The following PDE1C variants were observed in gnomAD, a reference collection of about 807,000 sequenced individuals.
The protein encoded by PDE1C is phosphodiesterase 1C.
A neutral mutation model predicts 93.1 loss-of-function variants in PDE1C; 62 were observed. The observed-to-expected ratio is 0.67, with a 90% CI of 0.54 to 0.82. PDE1C has a LOEUF of 0.82. Among genes scored for constraint, PDE1C ranks in the 40% least tolerant of loss-of-function variants. The pLI is 0.00. For missense variants in PDE1C, 742 were observed against 884.6 expected (o/e 0.84, Z 2.04); for synonymous variants, 325 against 310.1 (o/e 1.05, Z -0.50).
intron 1 of PDE1C, among the ~76,000 whole-genome samples, chr7:32,213,958 A>C (rs1379774852): frequency 6.6e-6 from 1 of 152,180 alleles, no homozygotes; most frequent in East Asian, 1.9e-4. Context: ...CTTTTGAAAT[A>C]CTTTTCTGCA....
intron 1 of PDE1C, among the ~76,000 whole-genome samples, chr7:32,336,352 C>A (rs1219572379): frequency 6.6e-6 from 1 of 152,112 alleles, no homozygotes; most frequent in African/African-American, 2.4e-5. Flanking sequence ...AGCAGCATCT[C>A]CACTTTAATC....
At chr7:32,259,693 A>C (rs1490463188) in intron 1 of PDE1C, among the ~76,000 whole-genome samples, 1 of 152,204 alleles carries the variant, frequency 6.6e-6, no homozygotes, top group Non-Finnish European at 1.5e-5. Flanking sequence ...CCAGCCCCAG[A>C]GAAATTCCTT....
chr7:32,071,645 G>T (rs1471868429), upstream of PDE1C, among the ~76,000 whole-genome samples: 1 of 152,174 alleles, frequency 6.6e-6, no homozygotes, highest in East Asian at 1.9e-4. Flanking sequence ...TGGTGACAAA[G>T]TTTCAGCTCC....
chr7:31,696,083 G>A, the PDE1C span: 1 of 152,796 alleles, frequency 6.5e-6, no homozygotes, highest in Admixed American at 6.5e-5. Flanking sequence ...AATGAGGTAA[G>A]CTGGGAAATG....
chr7:31,962,174 C>T (rs930858407), intron 2 of PDE1C, among the ~76,000 whole-genome samples: 2 of 152,172 alleles, frequency 1.3e-5, no homozygotes, highest in Admixed American at 6.5e-5. Context: ...ATCTCTTGGG[C>T]CTCTTTCTGA....
chr7:32,029,671 C>A (rs1041916730), intron 2 of PDE1C, among the ~76,000 whole-genome samples: 3 of 152,026 alleles, frequency 2.0e-5, no homozygotes, highest in Non-Finnish European at 4.4e-5. Context: ...AGTTTAAGAG[C>A]AGGATTCCCA....
chr7:31,768,943 G>A (rs1201321603), intron 17 of PDE1C, among the ~76,000 whole-genome samples: 4 of 152,024 alleles, frequency 2.6e-5, no homozygotes, highest in African/African-American at 4.8e-5. Context: ...CCACAGGCAC[G>A]TGCCACCACG....
chr7:31,678,668 C>T, the PDE1C span, among the ~76,000 whole-genome samples: 2 of 152,158 alleles, frequency 1.3e-5, no homozygotes, highest in Non-Finnish European at 2.9e-5. Flanking sequence ...ATTACTATTC[C>T]TATTTCATAG....
chr7:31,675,558 T>C, the PDE1C span, among the ~76,000 whole-genome samples: 1 of 152,136 alleles, frequency 6.6e-6, no homozygotes, highest in African/African-American at 2.4e-5. Context: ...CAGAGTGGTT[T>C]CTGTTTCTCT....
At chr7:32,387,215 C>T (rs1784646153) in intron 1 of PDE1C, among the ~76,000 whole-genome samples, 1 of 151,858 alleles carries the variant, frequency 6.6e-6, no homozygotes, top group Non-Finnish European at 1.5e-5. Context: ...TCAACAGGAT[C>T]CCAAGGCAGA....
chr7:32,050,472 T>TA (rs1437529352), intron 2 of PDE1C, among the ~76,000 whole-genome samples: 1 of 151,950 alleles, frequency 6.6e-6, no homozygotes, highest in Non-Finnish European at 1.5e-5. Context: ...CAAATCATTG[T>TA]AAAAAACAGA....
chr7:31,887,623 C>T (rs1252382263), intron 2 of PDE1C, among the ~76,000 whole-genome samples: 3 of 152,148 alleles, frequency 2.0e-5, no homozygotes, highest in Non-Finnish European at 2.9e-5. Context: ...GGACCGGACA[C>T]TGCACTAAAT....
At chr7:31,861,587 G>C (rs1223486151) in intron 7 of PDE1C, among the ~76,000 whole-genome samples, 1 of 151,974 alleles carries the variant, frequency 6.6e-6, no homozygotes. Context: ...CTTGTCAACT[G>C]TTTATCAAAC....
intron 1 of PDE1C, among the ~76,000 whole-genome samples, chr7:32,309,957 A>G (rs1193259346): frequency 6.6e-6 from 1 of 152,246 alleles, no homozygotes; most frequent in Non-Finnish European, 1.5e-5. Context: ...CAGACTGGCA[A>G]ATTGGATAAA....
chr7:32,406,444 G>C (rs1403285682), intron 1 of PDE1C, among the ~76,000 whole-genome samples: 1 of 150,646 alleles, frequency 6.6e-6, no homozygotes, highest in East Asian at 2.0e-4. Flanking sequence ...ATACGAGGGA[G>C]GAAAAAAATG....
chr7:31,623,738 C>G, the PDE1C span, among the ~76,000 whole-genome samples: 1 of 148,476 alleles, frequency 6.7e-6, no homozygotes, highest in Non-Finnish European at 1.5e-5. Flanking sequence ...TATCACCACG[C>G]CTATTCAACA....
chr7:32,192,589 T>C (rs1804309618), intron 2 of PDE1C, among the ~76,000 whole-genome samples: 1 of 152,154 alleles, frequency 6.6e-6, no homozygotes, highest in Admixed American at 6.5e-5. Context: ...TTGATCAATG[T>C]AGTTATATAG....
rs577721321 is a variant in PDE1C at position 32,032,818 on chromosome 7, G to A, written c.128+18736C>T. On this transcript the variant is annotated intron_variant, in intron 2 of 17. Transcript: ENST00000396191. Reference sequence around the variant, plus strand: ...ATCTCAGGCCCCATCCCAGCTCTGCGGGATCAGAATCCACGTTTTAAAAAC... The same window carrying A: ...ATCTCAGGCCCCATCCCAGCTCTGCAGGATCAGAATCCACGTTTTAAAAAC... Among the ~76,000 whole-genome samples, 11 of 152,170 alleles carry A rather than the reference G, an allele frequency of 7.2e-5. No homozygotes were observed. The South Asian group carries it at 8.3e-4, about 11-fold the overall frequency.
intron 1 of PDE1C, among the ~76,000 whole-genome samples, chr7:32,326,056 G>GA (rs142837148): frequency 0.077 from 11,393 of 148,084 alleles, 483 homozygotes; most frequent in Non-Finnish European, 0.094. Flanking sequence ...CGGTTGTGAG[G>GA]AAAAAAAAAA....
Sources: allele counts gnomAD v4.1 joint callset (sites outside exome capture counted in the v4.1 genomes callset), GRCh38; gene constraint gnomAD v4.1.1; transcripts MANE v1.5; gene names NCBI Gene and HGNC (gene_info 2026-07-23, HGNC 2026-07-21).